Variants in LRP2 observed in about 807,000 individuals in gnomAD.
LRP2 encodes the protein LDL receptor related protein 2, also known as low-density lipoprotein receptor-related protein 2.
In LRP2, 172 loss-of-function variants were observed where a neutral mutation model predicts 531.0. That is an observed-to-expected ratio of 0.32 (90% CI 0.29 to 0.37). LRP2 has a LOEUF of 0.37. LRP2 is among the 10% of genes least tolerant of loss of function. The pLI is 1.00. For synonymous variants in LRP2, 1,992 were observed against 2,027.6 expected (o/e 0.98, Z 0.47); for missense variants, 5,167 against 5,868.3 (o/e 0.88, Z 3.90).
Position 169,292,263 on chromosome 2 carries a change from T to C in LRP2, c.759A>G (p.Glu253=). Residue 253 remains glutamate (E), a synonymous_variant, in exon 7 of 79, where the codon GAA becomes GAG. Coordinates refer to ENST00000649046, the MANE Select transcript of LRP2 (RefSeq NM_004525.3). ...TCTTCCCCTCCTTACCACATCCATC[T>C]TCATCTCCATTATCTTTACAGTCAT... The part of the protein sequence containing the change: ...GEDDCKDNGD[E]DGCESGPHDV... The C allele has an allele frequency of 6.2e-7, 1 of 1,609,550 alleles. No homozygotes were observed. Among genetic ancestry groups the C allele is most frequent in the Non-Finnish European group, 8.5e-7 (1 of 1,175,818 alleles).
Position 169,214,271 on chromosome 2 carries a change from G to A in LRP2, c.5827-401C>T, listed in dbSNP as rs116698509. On this transcript the variant is annotated intron_variant, in intron 35 of 78. Transcript: ENST00000649046. Reference sequence around the variant, plus strand: ...ACTGACAATTTCTGTAATGGAGATTGGAAATATGCCCCCAAACAACCACAG... The same window carrying A: ...ACTGACAATTTCTGTAATGGAGATTAGAAATATGCCCCCAAACAACCACAG... Among the ~76,000 whole-genome samples, 503 of 152,230 alleles carry A rather than the reference G, an allele frequency of 3.3e-3. 3 individuals carry two copies. The highest frequency in any genetic ancestry group is 0.011 in the African/African-American group (472 of 41,550).
chr2:169,241,038 C>T lies in LRP2; in HGVS notation c.3995G>A (p.Cys1332Tyr). ...HNICVNLSVV[C>Y]DGIFDCPNGT... Reference sequence around the variant, plus strand: ...ATTGGGGCAGTCAAAGATGCCATCACACACTACACTCAGATTCACACAGAT... The same window carrying T: ...ATTGGGGCAGTCAAAGATGCCATCATACACTACACTCAGATTCACACAGAT... Residue 1332 changes from cysteine (C) to tyrosine (Y), a missense_variant, in exon 25 of 79, where the codon TGT becomes TAT. Physicochemically the swap from Cys to Tyr is radical, Grantham distance 194. Transcript: ENST00000649046. The T allele has an allele frequency of 6.2e-7, 1 of 1,614,154 alleles. No homozygotes were observed. Among genetic ancestry groups the T allele is most frequent in the Non-Finnish European group, 8.5e-7 (1 of 1,180,040 alleles).
rs548624353 is a variant in LRP2, at chr2:169,280,514, C to T, written c.1177G>A (p.Glu393Lys). 40 of 1,613,872 alleles carry T rather than the reference C, an allele frequency of 2.5e-5. No individual in the cohort carries two copies. The South Asian group carries it at 3.0e-4, about 12-fold the overall frequency. Residue 393 changes from glutamate (E) to lysine (K), a missense_variant, in exon 11 of 79, where the codon GAG (glutamate) becomes AAG (lysine). By Grantham distance (56) the Glu-to-Lys change is moderately conservative (BLOSUM62 1). This residue lies in a region of LRP2 where 2,811 missense variants were observed against 3,058.0 expected (regional missense o/e 0.92). Transcript: ENST00000649046. ...CCATTGGAGAAGATAATGGAGGCCT[C>T]GCCAACTAAATGCGAAGAAGGAAGG... is the stretch of plus-strand genomic sequence containing the variant. ...QYCKANDSFG[E>K]ASIIFSNGRD...
chr2:169,226,195 A>AT (rs2105361141), intron 32 of LRP2, among the ~76,000 whole-genome samples: 1 of 152,322 alleles, frequency 6.6e-6, no homozygotes, highest in East Asian at 1.9e-4. Flanking sequence ...AATAATACAC[A>AT]ATAGCTTAAA....
intron 33 of LRP2, among the ~76,000 whole-genome samples, chr2:169,224,128 T>C (rs1339355559): frequency 6.6e-6 from 1 of 152,188 alleles, no homozygotes; most frequent in East Asian, 1.9e-4. Context: ...TATAGATAGG[T>C]GCTCTAAATT....
chr2:169,321,535 C>T (rs944889747), intron 1 of LRP2, among the ~76,000 whole-genome samples: 1 of 150,566 alleles, frequency 6.6e-6, no homozygotes, highest in South Asian at 2.1e-4. Context: ...TCGTGAGTAA[C>T]TTTTCATTTG....
intron 16 of LRP2, among the ~76,000 whole-genome samples, chr2:169,264,069 G>T (rs1283123099): frequency 1.3e-5 from 2 of 152,032 alleles, no homozygotes; most frequent in Non-Finnish European, 2.9e-5. Flanking sequence ...ACACAGGAAG[G>T]GGAACATCAC....
At position 169,185,935 on chromosome 2, in the gene LRP2, C is replaced by T. The variant is rs35086590; in HGVS notation, c.9413G>A (p.Arg3138His). Residue 3138 changes from arginine (R) to histidine (H), a missense_variant, in exon 50 of 79, where the codon CGT becomes CAT. Physicochemically the swap from Arg to His is conservative, Grantham distance 29. Coordinates refer to ENST00000649046, the MANE Select transcript of LRP2 (RefSeq NM_004525.3). The stretch of plus-strand genomic sequence containing the variant: ...GTCAGACATGAGCTTGTAACCAGGA[C>T]GACAGGAACAATAGAAACTGGTTAA... ...DTLTSFYCSC[R>H]PGYKLMSDKR... 959 of 1,613,708 alleles carry T rather than the reference C, an allele frequency of 5.9e-4. 5 individuals carry two copies. The African/African-American group carries it at 0.01, about 17-fold the overall frequency.
intron 71 of LRP2, among the ~76,000 whole-genome samples, chr2:169,140,995 C>T (rs1388247661): frequency 1.3e-5 from 2 of 152,126 alleles, no homozygotes; most frequent in Admixed American, 6.5e-5. Context: ...CACATAGCTA[C>T]AGATATAGAG....
intron 1 of LRP2, among the ~76,000 whole-genome samples, chr2:169,323,570 C>T (rs1226776554): frequency 6.6e-6 from 1 of 151,362 alleles, no homozygotes; most frequent in African/African-American, 2.4e-5. Context: ...CCTTTACTCA[C>T]AAGCCCTCCA....
intron 4 of LRP2, among the ~76,000 whole-genome samples, chr2:169,305,404 T>C (rs918460649): frequency 2.6e-5 from 4 of 152,214 alleles, no homozygotes; most frequent in Non-Finnish European, 4.4e-5. Flanking sequence ...CAGCACCATA[T>C]TGGGAAGTTT....
intron 1 of LRP2, among the ~76,000 whole-genome samples, chr2:169,340,894 C>A (rs1248120810): frequency 6.6e-6 from 1 of 152,164 alleles, no homozygotes; most frequent in Admixed American, 6.6e-5. Context: ...ACAAAAATTT[C>A]TTGAGTGCAT....
intron 22 of LRP2, among the ~76,000 whole-genome samples, chr2:169,243,847 C>A (rs201675492): frequency 1.3e-5 from 1 of 76,878 alleles, no homozygotes; most frequent in Non-Finnish European, 3.1e-5. Flanking sequence ...TGACTCTAGA[C>A]CAAAGCCAAG....
intron 40 of LRP2, 53 bp from the exon 41 acceptor site, chr2:169,205,690 T>TAA: frequency 2.7e-6 from 4 of 1,493,516 alleles, no homozygotes; most frequent in Admixed American, 1.8e-5. Context: ...TCATAGTCCT[T>TAA]TAAAAAAAAA....
intron 1 of LRP2, among the ~76,000 whole-genome samples, chr2:169,332,935 A>C (rs756276295): frequency 1.4e-4 from 21 of 152,210 alleles, no homozygotes; most frequent in Non-Finnish European, 2.5e-4. Flanking sequence ...TGAGTTGCAC[A>C]CACAGGCATG....
Position 169,129,097 on chromosome 2 carries a change from G to C in LRP2, c.13729-13C>G, listed in dbSNP as rs974549695. The C allele has an allele frequency of 1.3e-6, 2 of 1,567,534 alleles. No homozygotes were observed. The highest frequency in any genetic ancestry group is 1.4e-5 in the African/African-American group (1 of 73,984). ...TCCATTTTGTCACCTAAATGAAAAG[G>C]GGAAAACAAAAACCTCTCAGTAATG... On this transcript the variant is annotated splice_polypyrimidine_tract_variant and intron_variant, in intron 77 of 78. Transcript: ENST00000649046.
chr2:169,306,584 G>A (rs181989320), intron 4 of LRP2, among the ~76,000 whole-genome samples: 28 of 152,192 alleles, frequency 1.8e-4, no homozygotes, highest in Middle Eastern at 3.4e-3. Flanking sequence ...GTATGCCTGA[G>A]ATTAAAGACA....
chr2:169,313,832 C>G (rs934301169), intron 3 of LRP2, among the ~76,000 whole-genome samples: 1 of 152,184 alleles, frequency 6.6e-6, no homozygotes, highest in Non-Finnish European at 1.5e-5. Context: ...AACCTCCCTC[C>G]TCTCCCAAAG....
intron 37 of LRP2, among the ~76,000 whole-genome samples, chr2:169,209,914 A>G (rs141740117): frequency 0.013 from 1,985 of 152,284 alleles, 25 homozygotes; most frequent in Non-Finnish European, 0.02. Flanking sequence ...TTATTGTACC[A>G]AGAAACAAGG....
Sources: gnomAD v4.1 joint callset for allele counts (sites outside exome capture counted in the v4.1 genomes callset) on GRCh38, gnomAD v4.1.1 for gene constraint, gnomAD v4.1.1 regional missense constraint, MANE v1.5 for transcripts, NCBI Gene and HGNC (gene_info 2026-07-23, HGNC 2026-07-21) for gene names.